The following TFIP11 variants were observed in gnomAD, a reference collection of about 807,000 sequenced individuals.
TFIP11 encodes tuftelin interacting protein 11, also known as tuftelin-interacting protein 11.
Under a neutral mutation model 96.8 loss-of-function variants are expected in TFIP11, and 86 were observed. The ratio of observed to expected loss-of-function variants is 0.89; its 90% CI spans 0.75 to 1.06. The LOEUF (loss-of-function observed/expected upper bound fraction) is 1.06, where lower values mean the gene tolerates loss of function less well. Ranked by LOEUF, TFIP11 falls within the 50% of genes least tolerant of loss-of-function variation. The probability of loss-of-function intolerance (pLI) is 0.00; values close to 1 mark genes in which losing one functional copy is unlikely to be tolerated. For synonymous variants in TFIP11, 405 were observed against 395.2 expected (o/e 1.02, Z -0.29); for missense variants, 881 against 1,076.7 (o/e 0.82, Z 2.54).
intron 13 of TFIP11, 182 bp from the exon 14 acceptor site, chr22:26,494,486 T>C (rs901380590): frequency 1.3e-6 from 1 of 775,608 alleles, no homozygotes; most frequent in Non-Finnish European, 2.1e-6. Flanking sequence ...GCCTGGTAGC[T>C]AAAGTGCCCT....
rs1924043044 is a variant in TFIP11 at position 26,511,423 on chromosome 22, C to T, written c.-96+676G>A. 3 of 152,206 alleles carry T rather than the reference C, an allele frequency of 2.0e-5. No individual in the cohort carries two copies. The South Asian group carries it at 6.2e-4, about 31-fold the overall frequency. 9.4% of individuals were successfully genotyped at this position (152,206 alleles called of 1,614,324 possible). A position where few individuals can be genotyped will look rare whatever the true frequency, so the allele number is the denominator to read the frequency against. On this transcript the variant is annotated intron_variant, in intron 2 of 14. Coordinates refer to ENST00000407690, the MANE Select transcript of TFIP11 (RefSeq NM_012143.4). ...TTGGCAACACCCACATAGTCACACC[C>T]AGGATCAATACTTCGTATCCTTCAA...
rs138076068 is a variant in TFIP11 at position 26,496,134 on chromosome 22, C to T, written c.1788G>A (p.Lys596=). Reference sequence around the variant, plus strand: ...CCCAGGAGCCAGGAGTGAAGACATCCTTCCAGGGCTGGAGGATGAGCTTGG... The same window carrying T: ...CCCAGGAGCCAGGAGTGAAGACATCTTTCCAGGGCTGGAGGATGAGCTTGG... The part of the protein sequence containing the change: ...SSAKLILQPW[K]DVFTPGSWEA... Residue 596 remains lysine, a synonymous_variant, in exon 12 of 15, where the codon AAG becomes AAA. Coordinates refer to ENST00000407690, the MANE Select transcript of TFIP11 (RefSeq NM_012143.4). The T allele has an allele frequency of 3.7e-6, 6 of 1,613,854 alleles. No individual in the cohort carries two copies. The highest frequency in any genetic ancestry group is 4.2e-6 in the Non-Finnish European group (5 of 1,180,022).
chr22:26,491,746 G>T lies in TFIP11; in HGVS notation c.*267C>A. The T allele has an allele frequency of 7.3e-7, 1 of 1,371,418 alleles. No homozygotes were observed. Among genetic ancestry groups the T allele is most frequent in the Non-Finnish European group, 1.0e-6 (1 of 994,690 alleles). The allele number at this position is 1,371,418 out of a possible 1,614,324, so 85.0% of individuals were successfully genotyped here. A position where few individuals can be genotyped will look rare whatever the true frequency, so the allele number is the denominator to read the frequency against. On this transcript the variant is annotated 3_prime_UTR_variant, in exon 15 of 15. Coordinates refer to ENST00000407690, the MANE Select transcript of TFIP11 (RefSeq NM_012143.4). ...AGACTAAAGGGAAGGCTGCTATGGA[G>T]GAACTACAGAGAACTCCTTTGCCAG...
At chr22:26,506,684 C>T in intron 5 of TFIP11, 91 bp downstream of exon 5, 1 of 1,519,584 alleles carries the variant, frequency 6.6e-7, no homozygotes, top group South Asian at 1.2e-5. Flanking sequence ...GAAATTCATT[C>T]CAGATGAGTT....
At chr22:26,494,381 G>A in intron 13 of TFIP11, 77 bp from the exon 14 acceptor site, 1 of 1,558,374 alleles carries the variant, frequency 6.4e-7, no homozygotes, top group Non-Finnish European at 8.8e-7. Flanking sequence ...CATTTGTTTT[G>A]TTTTGATCCT....
At chr22:26,498,122 G>A (rs533095677) in intron 10 of TFIP11, among the ~76,000 whole-genome samples, 1 of 152,196 alleles carries the variant, frequency 6.6e-6, no homozygotes, top group East Asian at 1.9e-4. Context: ...ACTCAAGAAT[G>A]GAAAACCAAA....
rs1436687849 is a variant in TFIP11, at chr22:26,499,538, G to A, written c.895C>T (p.Gln299Ter). ...HNVPDDGLPL[Q>*]SQQLPQSGKE... ...CCAGACTGTGGCAGCTGTTGGGACT[G>A]TAGCGGCAGCCCATCATCGGGAACG... Residue 299 changes from glutamine (Q) to a stop codon, truncating the protein, a stop_gained, in exon 9 of 15, where the codon CAG becomes TAG. Transcript: ENST00000407690. LOFTEE classifies it high-confidence loss of function. 1.9e-6 allele frequency: 3 copies of A among 1,614,116 alleles called. No homozygotes were observed. Among genetic ancestry groups the A allele is most frequent in the Non-Finnish European group, 2.5e-6 (3 of 1,180,062 alleles).
chr22:26,491,588 G>A lies in TFIP11; in HGVS notation c.*425C>T, dbSNP rs1921187979. 9 of 1,614,094 alleles carry A rather than the reference G, an allele frequency of 5.6e-6. No individual in the cohort carries two copies. The highest frequency in any genetic ancestry group is 7.6e-6 in the Non-Finnish European group (9 of 1,180,036). On this transcript the variant is annotated 3_prime_UTR_variant, in exon 15 of 15. Coordinates refer to ENST00000407690, the MANE Select transcript of TFIP11 (RefSeq NM_012143.4). ...AACAGCTCTCCATAGATATTTGGGA[G>A]TTTCGGGAAGAACCAGATTATCAGG...
chr22:26,492,435 C>A (rs1191248508), intron 14 of TFIP11, 67 bp from the exon 15 acceptor site: 27 of 1,484,666 alleles, frequency 1.8e-5, no homozygotes, highest in Non-Finnish European at 2.5e-5. Context: ...GACACTGTGG[C>A]TTGGCCCAGG....
chr22:26,494,328 C>G, intron 13 of TFIP11, 24 bp from the exon 14 acceptor site: 2 of 1,614,152 alleles, frequency 1.2e-6, no homozygotes, highest in Admixed American at 1.7e-5. Context: ...AAATTACTTG[C>G]ATCCATCGTG....
rs991690465 is a variant in TFIP11 at position 26,506,911 on chromosome 22, G to A, written c.227C>T (p.Ala76Val). ...CCCTGCGCTGATGAAGTTGACTGGC[G>A]CAGAGTAGTCACGGGCCCTGTAGGC... ...FGGKRARDYS[A>V]PVNFISAGLK... The change falls in exon 5 of 15, where the codon GCG (alanine) becomes GTG (valine). Residue 76 changes from alanine (A) to valine (V), a missense_variant. Transcript: ENST00000407690. 1.7e-5 allele frequency: 28 copies of A among 1,613,990 alleles called. No homozygotes were observed. Among genetic ancestry groups the A allele is most frequent in the African/African-American group, 6.7e-5 (5 of 74,906 alleles).
At chr22:26,492,492 C>T in intron 14 of TFIP11, 124 bp from the exon 15 acceptor site, 2 of 816,478 alleles carry the variant, frequency 2.4e-6, no homozygotes, top group Non-Finnish European at 3.9e-6. Flanking sequence ...GGCAGCTCTG[C>T]CTCAAAGATA....
At chr22:26,503,601 A>G in intron 7 of TFIP11, 65 bp downstream of exon 7, 2 of 1,589,792 alleles carry the variant, frequency 1.3e-6, no homozygotes, top group Non-Finnish European at 1.7e-6. Context: ...GAATGAAGGG[A>G]TAAATGAACA....
At chr22:26,501,819 AG>A in intron 8 of TFIP11, 80 bp downstream of exon 8, 1 of 1,269,516 alleles carries the variant, frequency 7.9e-7, no homozygotes, top group Non-Finnish European at 1.1e-6. Context: ...CCTAGCTAAA[AG>A]ATCCAAAAAA....
chr22:26,491,703 G>A lies in TFIP11; in HGVS notation c.*310C>T, dbSNP rs1317035875. 1.3e-6 allele frequency: 2 copies of A among 1,582,002 alleles called. No homozygotes were observed. Among genetic ancestry groups the A allele is most frequent in the Non-Finnish European group, 1.7e-6 (2 of 1,162,268 alleles). On this transcript the variant is annotated 3_prime_UTR_variant, in exon 15 of 15. Coordinates refer to ENST00000407690, the MANE Select transcript of TFIP11 (RefSeq NM_012143.4). ...TTGTGAGGTACTCAGTGTTGGCTGA[G>A]GTAGAAGCTGCCACCAGAGACTAAA...
chr22:26,510,153 C>T lies in TFIP11; in HGVS notation c.120G>A (p.Gln40=). 1 of 1,614,214 alleles carries T rather than the reference C, an allele frequency of 6.2e-7. No individual in the cohort carries two copies. The highest frequency in any genetic ancestry group is 8.5e-7 in the Non-Finnish European group (1 of 1,180,040). The change falls in exon 4 of 15, where the codon CAG becomes CAA. Residue 40 remains glutamine (Q), a synonymous_variant. Transcript: ENST00000407690. ...DLQNEFNPNR[Q]RHWQTKEEAT... ...CTTCTTCCTTGGTCTGCCAGTGGCG[C>T]TGTCGGTTGGGGTTGAACTCATTCT...
chr22:26,492,181 C>T lies in TFIP11; in HGVS notation c.2346G>A (p.Glu782=), dbSNP rs761271278. 13 of 1,614,222 alleles carry T rather than the reference C, an allele frequency of 8.1e-6. 1 individual carries two copies. In the East Asian group the frequency reaches 2.9e-4, roughly 36 times the overall value. Residue 782 remains glutamate, a synonymous_variant, in exon 15 of 15, where the codon GAG becomes GAA. Transcript: ENST00000407690. The part of the protein sequence containing the change: ...NFKDLIETKA[E]EHNIVFMPVI... ...CGGGCATGAAGACAATGTTGTGCTC[C>T]TCAGCCTTGGTCTCAATGAGGTCCT...
intron 5 of TFIP11, 78 bp from the exon 6 acceptor site, chr22:26,506,537 A>G: frequency 2.0e-6 from 3 of 1,517,106 alleles, no homozygotes; most frequent in Non-Finnish European, 2.7e-6. Context: ...GGCCAACAGG[A>G]AAATGGCCTA....
chr22:26,491,321 AAAAG>A lies in TFIP11; in HGVS notation c.*688_*691del. The A allele has an allele frequency of 1.3e-6, 1 of 775,670 alleles. No individual in the cohort carries two copies. Among genetic ancestry groups the A allele is most frequent in the Non-Finnish European group, 2.1e-6 (1 of 479,910 alleles). The allele number at this position is 775,670 out of a possible 1,614,324, so 48.0% of individuals were successfully genotyped here. A position where few individuals can be genotyped will look rare whatever the true frequency, so the allele number is the denominator to read the frequency against. On this transcript the variant is annotated 3_prime_UTR_variant, in exon 15 of 15. Transcript: ENST00000407690. ...CCTTGGGGCGCCCAATTCATTGTGCAAAAGCATTTAAATCAAAATACCCTATTTG... is the reference window on the plus strand; with the variant it reads ...CCTTGGGGCGCCCAATTCATTGTGCACATTTAAATCAAAATACCCTATTTG...
Sources: allele counts gnomAD v4.1 joint callset (sites outside exome capture counted in the v4.1 genomes callset), GRCh38; gene constraint gnomAD v4.1.1; transcripts MANE v1.5; gene names NCBI Gene and HGNC (gene_info 2026-07-23, HGNC 2026-07-21).